Variants in ZNF804B observed in about 807,000 individuals in gnomAD.
ZNF804B encodes zinc finger protein 804B.
ZNF804B carries 80 observed loss-of-function variants against 101.4 expected under a neutral mutation model. That is an observed-to-expected ratio of 0.79 (90% CI 0.66 to 0.95). The LOEUF (loss-of-function observed/expected upper bound fraction) is 0.95. ZNF804B is among the 40% of genes least tolerant of loss of function. The pLI, the probability that ZNF804B is intolerant of heterozygous loss-of-function variation, is 0.00. For synonymous variants in ZNF804B, 622 were observed against 558.8 expected (o/e 1.11, Z -1.59); for missense variants, 1,673 against 1,561.9 (o/e 1.07, Z -1.20).
chr7:89,209,317 A>C (rs1039058525), intron 1 of ZNF804B, among the ~76,000 whole-genome samples: 8 of 152,090 alleles, frequency 5.3e-5, no homozygotes, highest in Non-Finnish European at 7.3e-5. Flanking sequence ...AGGAGAAAAA[A>C]ATCCCTTTCA....
chr7:88,894,672 T>C (rs1206310290), intron 1 of ZNF804B, among the ~76,000 whole-genome samples: 3 of 152,044 alleles, frequency 2.0e-5, no homozygotes, highest in Admixed American at 6.6e-5. Flanking sequence ...TACTATTCAA[T>C]GATAAAAAGA....
intron 2 of ZNF804B, among the ~76,000 whole-genome samples, chr7:89,269,895 A>C (rs1789858992): frequency 6.6e-6 from 1 of 151,938 alleles, no homozygotes; most frequent in Admixed American, 6.6e-5. Flanking sequence ...TCCTTTGCCC[A>C]CTTTTTGATG....
chr7:89,071,957 G>T (rs1367384892), intron 1 of ZNF804B, among the ~76,000 whole-genome samples: 2 of 152,096 alleles, frequency 1.3e-5, no homozygotes, highest in African/African-American at 2.4e-5. Flanking sequence ...CCTATCTCAA[G>T]CTGGGTCAAA....
At chr7:89,029,032 C>G (rs891536633) in intron 1 of ZNF804B, among the ~76,000 whole-genome samples, 28 of 152,126 alleles carry the variant, frequency 1.8e-4, no homozygotes, top group African/African-American at 6.5e-4. Flanking sequence ...TGACATAGAA[C>G]CAGCACACAT....
At chr7:89,158,120 A>C (rs541982527) in intron 1 of ZNF804B, among the ~76,000 whole-genome samples, 41 of 152,234 alleles carry the variant, frequency 2.7e-4, no homozygotes, top group African/African-American at 9.9e-4. Flanking sequence ...AAAAGGATGC[A>C]TCTCAACAAT....
intron 2 of ZNF804B, among the ~76,000 whole-genome samples, chr7:89,305,412 T>C (rs1192385024): frequency 2.6e-5 from 4 of 151,938 alleles, no homozygotes; most frequent in Non-Finnish European, 5.9e-5. Flanking sequence ...TCATATAGTT[T>C]GAAAGAAAAA....
At chr7:88,775,978 G>A (rs879841558) in intron 1 of ZNF804B, among the ~76,000 whole-genome samples, 1 of 152,192 alleles carries the variant, frequency 6.6e-6, no homozygotes, top group African/African-American at 2.4e-5. Flanking sequence ...ACTAAGTACA[G>A]AGAGGTGCTT....
chr7:88,796,075 G>C (rs144915782), intron 1 of ZNF804B, among the ~76,000 whole-genome samples: 99 of 152,172 alleles, frequency 6.5e-4, no homozygotes, highest in African/African-American at 2.4e-3. Context: ...TATATGATGA[G>C]AAAGTTCTAT....
intron 2 of ZNF804B, among the ~76,000 whole-genome samples, chr7:89,250,686 T>G (rs1192199500): frequency 6.6e-6 from 1 of 152,026 alleles, no homozygotes; most frequent in Admixed American, 6.6e-5. Flanking sequence ...ACACAAAAAT[T>G]TCTCAACAAA....
chr7:89,287,336 G>C (rs558792787), intron 2 of ZNF804B, among the ~76,000 whole-genome samples: 1 of 152,118 alleles, frequency 6.6e-6, no homozygotes, highest in African/African-American at 2.4e-5. Context: ...GCACACACAC[G>C]TATGTATGTA....
chr7:88,869,772 A>T (rs1451721247), intron 1 of ZNF804B, among the ~76,000 whole-genome samples: 1 of 152,142 alleles, frequency 6.6e-6, no homozygotes, highest in Non-Finnish European at 1.5e-5. Context: ...ACTTGCAAGT[A>T]TTACTGACTT....
intron 1 of ZNF804B, among the ~76,000 whole-genome samples, chr7:89,003,122 G>C (rs1056207613): frequency 1.3e-5 from 2 of 151,430 alleles, no homozygotes; most frequent in African/African-American, 4.9e-5. Flanking sequence ...TTCATTTTCA[G>C]AGTGATAGTA....
At chr7:88,856,821 T>C (rs1413951891) in intron 1 of ZNF804B, among the ~76,000 whole-genome samples, 8 of 152,154 alleles carry the variant, frequency 5.3e-5, no homozygotes, top group Non-Finnish European at 2.9e-5. Context: ...TATGAAGGGC[T>C]GTTGAATTTT....
Position 89,334,030 on chromosome 7 carries a change from A to G in ZNF804B, c.1048A>G (p.Lys350Glu). Residue 350 changes from lysine to glutamate, a missense_variant, in exon 4 of 4, where the codon AAG becomes GAG. Transcript: ENST00000333190. ...SREKETRNTL[K>E]NTLENCVNHP... ...AGAAAAAGAAACTAGAAATACATTG[A>G]AGAACACTTTAGAAAATTGTGTTAA... 6.2e-7 allele frequency: 1 copy of G among 1,613,530 alleles called. No homozygotes were observed. Among genetic ancestry groups the G allele is most frequent in the Non-Finnish European group, 8.5e-7 (1 of 1,179,750 alleles).
At chr7:89,317,643 C>T (rs569529194) in intron 2 of ZNF804B, among the ~76,000 whole-genome samples, 47 of 152,324 alleles carry the variant, frequency 3.1e-4, no homozygotes, top group Non-Finnish European at 5.6e-4. Context: ...AGGAAAGGAA[C>T]TCAGAGTTCT....
In ZNF804B at chr7:89,334,795, G is replaced by T; in HGVS notation, c.1813G>T (p.Ala605Ser). 2.5e-6 allele frequency: 4 copies of T among 1,613,840 alleles called. No homozygotes were observed. Among genetic ancestry groups the T allele is most frequent in the South Asian group, 1.1e-5 (1 of 91,068 alleles). Residue 605 changes from alanine (A) to serine (S), a missense_variant, in exon 4 of 4, where the codon GCT (alanine) becomes TCT (serine). Ala to Ser is a moderately conservative substitution (Grantham distance 99). Coordinates refer to ENST00000333190, the MANE Select transcript of ZNF804B (RefSeq NM_181646.5). Reference sequence around the variant, plus strand: ...TAGTAGTGAGAACAAACTTAAGGAAGCTTCAAGGGCCCATTGGCAAGGCTG... The same window carrying T: ...TAGTAGTGAGAACAAACTTAAGGAATCTTCAAGGGCCCATTGGCAAGGCTG... Reference protein sequence around the residue: ...NNSSENKLKEASRAHWQGCRK... With the variant: ...NNSSENKLKESSRAHWQGCRK...
intron 1 of ZNF804B, among the ~76,000 whole-genome samples, chr7:88,963,395 T>C (rs984938271): frequency 6.6e-6 from 1 of 151,268 alleles, no homozygotes; most frequent in African/African-American, 2.4e-5. Context: ...TCAATAAAAG[T>C]GCCCAAACTT....
chr7:89,094,177 T>C (rs559427061), intron 1 of ZNF804B, among the ~76,000 whole-genome samples: 1 of 152,314 alleles, frequency 6.6e-6, no homozygotes, highest in African/African-American at 2.4e-5. Flanking sequence ...GCCATTTAGG[T>C]CACATGTTCA....
intron 1 of ZNF804B, among the ~76,000 whole-genome samples, chr7:88,869,207 C>T (rs530310739): frequency 6.4e-4 from 98 of 152,192 alleles, no homozygotes; most frequent in African/African-American, 2.3e-3. Flanking sequence ...AACTTTTCAG[C>T]ATAATTCTTT....
Sources: allele counts gnomAD v4.1 joint callset (sites outside exome capture counted in the v4.1 genomes callset), GRCh38; gene constraint gnomAD v4.1.1; transcripts MANE v1.5; gene names NCBI Gene and HGNC (gene_info 2026-07-23, HGNC 2026-07-21).